The following SORCS1 variants were observed in gnomAD, a reference collection of about 807,000 sequenced individuals.
SORCS1 encodes VPS10 domain-containing receptor SorCS1.
SORCS1 carries 60 observed loss-of-function variants against 146.1 expected under a neutral mutation model. The ratio of observed to expected loss-of-function variants is 0.41; its 90% CI spans 0.33 to 0.51. The LOEUF (loss-of-function observed/expected upper bound fraction) is 0.51, where lower values mean the gene tolerates loss of function less well. SORCS1 is among the 20% of genes least tolerant of loss of function. SORCS1 has a pLI of 0.21. For synonymous variants in SORCS1, 637 were observed against 584.0 expected (o/e 1.09, Z -1.31); for missense variants, 1,352 against 1,487.6 (o/e 0.91, Z 1.50).
Position 107,037,274 on chromosome 10 carries a change from T to C in SORCS1, c.559-80694A>G, listed in dbSNP as rs531985502. Among the ~76,000 whole-genome samples the C allele has an allele frequency of 2.6e-5, 4 of 152,110 alleles. No individual in the cohort carries two copies. In the South Asian group the frequency reaches 8.3e-4, roughly 32 times the overall value. ...ACAAAACAAAAAATTAGGAACCAAA[T>C]ATATGAAGTCAGTCTACCAAAAAGC... is the stretch of plus-strand genomic sequence containing the variant. On this transcript the variant is annotated intron_variant, in intron 1 of 25. Transcript: ENST00000263054.
At chr10:107,033,544 C>A (rs1958762110) in intron 1 of SORCS1, among the ~76,000 whole-genome samples, 1 of 152,164 alleles carries the variant, frequency 6.6e-6, no homozygotes, top group South Asian at 2.1e-4. Context: ...ATAGAGAACT[C>A]AAACAGAAAC....
intron 7 of SORCS1, among the ~76,000 whole-genome samples, chr10:106,708,743 A>G (rs1854722241): frequency 6.6e-6 from 1 of 151,992 alleles, no homozygotes; most frequent in Admixed American, 6.6e-5. Flanking sequence ...TCTGCCTCCC[A>G]CTATCTCCAG....
chr10:107,171,568 G>C, the SORCS1 span, among the ~76,000 whole-genome samples: 1 of 144,372 alleles, frequency 6.9e-6, no homozygotes, highest in Non-Finnish European at 1.5e-5. Context: ...CCAGGCTGGA[G>C]TGCATTGGTG....
chr10:106,794,603 C>T (rs1042188894), intron 3 of SORCS1, among the ~76,000 whole-genome samples: 7 of 150,484 alleles, frequency 4.7e-5, no homozygotes, highest in Non-Finnish European at 7.4e-5. Context: ...CCCGGGTTCA[C>T]GCCATTCTCC....
intron 1 of SORCS1, among the ~76,000 whole-genome samples, chr10:107,121,830 G>A (rs1212701194): frequency 1.3e-5 from 2 of 152,154 alleles, no homozygotes; most frequent in Non-Finnish European, 2.9e-5. Context: ...TTTGACACAA[G>A]GACTGTCTGT....
intron 24 of SORCS1, among the ~76,000 whole-genome samples, chr10:106,590,749 G>T (rs550603672): frequency 6.6e-6 from 1 of 152,158 alleles, no homozygotes; most frequent in Non-Finnish European, 1.5e-5. Flanking sequence ...CTGCCTTCTG[G>T]GTTAAAGTGA....
intron 23 of SORCS1, among the ~76,000 whole-genome samples, chr10:106,602,572 C>G (rs1228615423): frequency 1.3e-5 from 2 of 150,916 alleles, no homozygotes; most frequent in African/African-American, 4.9e-5. Context: ...CAAATTTAGC[C>G]TGATTAAAGT....
At position 106,576,767 on chromosome 10, in the gene SORCS1, C is replaced by T. The variant is rs1209799217; in HGVS notation, c.*653G>A. 6.4e-6 allele frequency: 1 copy of T among 155,976 alleles called. No individual in the cohort carries two copies. The highest frequency in any genetic ancestry group is 6.4e-5 in the Admixed American group (1 of 15,618). 9.7% of individuals were successfully genotyped at this position (155,976 alleles called of 1,614,324 possible). On this transcript the variant is annotated 3_prime_UTR_variant, in exon 26 of 26. Coordinates refer to ENST00000263054, the MANE Select transcript of SORCS1 (RefSeq NM_052918.5). ...GGAAATGACAGTATGGAAAGTGGAA[C>T]AGAGAAACAGCTCAGGGTTTCAAAC...
intron 1 of SORCS1, among the ~76,000 whole-genome samples, chr10:107,129,267 C>A (rs1238469611): frequency 3.9e-5 from 6 of 152,220 alleles, no homozygotes; most frequent in African/African-American, 1.4e-4. Flanking sequence ...AAGAGAATCT[C>A]TTGGAGGCTG....
intron 1 of SORCS1, among the ~76,000 whole-genome samples, chr10:106,962,476 A>G (rs552382814): frequency 6.6e-6 from 1 of 152,142 alleles, no homozygotes; most frequent in Admixed American, 6.5e-5. Flanking sequence ...ATTAATAATA[A>G]TTTGCATTCT....
At chr10:107,081,409 T>C (rs918764557) in intron 1 of SORCS1, among the ~76,000 whole-genome samples, 4 of 152,358 alleles carry the variant, frequency 2.6e-5, no homozygotes, top group African/African-American at 9.6e-5. Context: ...TGAACATGTC[T>C]ATCACTATAC....
intron 24 of SORCS1, among the ~76,000 whole-genome samples, chr10:106,588,405 G>A (rs1312573946): frequency 1.3e-5 from 2 of 152,106 alleles, no homozygotes; most frequent in Non-Finnish European, 2.9e-5. Flanking sequence ...CTGTTTTAGT[G>A]GATGGCTTGA....
chr10:106,812,852 T>A (rs2136811957), intron 3 of SORCS1, among the ~76,000 whole-genome samples: 2 of 152,228 alleles, frequency 1.3e-5, no homozygotes, highest in Middle Eastern at 6.8e-3. Context: ...TGGTAGTATA[T>A]CTCAAAGGTT....
intron 2 of SORCS1, among the ~76,000 whole-genome samples, chr10:106,835,959 C>A (rs1261116384): frequency 1.3e-5 from 2 of 150,704 alleles, no homozygotes; most frequent in African/African-American, 2.4e-5. Context: ...CAGCTGAGAT[C>A]GCGCCATTGC....
intron 6 of SORCS1, among the ~76,000 whole-genome samples, chr10:106,727,650 A>G (rs1360828270): frequency 6.6e-6 from 1 of 152,024 alleles, no homozygotes; most frequent in East Asian, 1.9e-4. Context: ...GAAGAACATG[A>G]TAAAGAAAAA....
At chr10:107,069,855 A>C (rs1056525541) in intron 1 of SORCS1, among the ~76,000 whole-genome samples, 1 of 152,228 alleles carries the variant, frequency 6.6e-6, no homozygotes, top group African/African-American at 2.4e-5. Flanking sequence ...AAATGTTACT[A>C]TGTAAAAGCA....
At chr10:106,754,446 AT>A (rs946970349) in intron 5 of SORCS1, among the ~76,000 whole-genome samples, 9 of 152,250 alleles carry the variant, frequency 5.9e-5, no homozygotes, top group Admixed American at 2.0e-4. Context: ...TCTCTTTAAA[AT>A]TTTTTTCTTC....
chr10:106,723,066 T>C (rs538235431), intron 6 of SORCS1, among the ~76,000 whole-genome samples: 1 of 152,264 alleles, frequency 6.6e-6, no homozygotes, highest in Non-Finnish European at 1.5e-5. Flanking sequence ...TGGTGGCTCA[T>C]GCCTATCCCA....
At chr10:106,910,708 AC>A (rs1235477453) in intron 2 of SORCS1, among the ~76,000 whole-genome samples, 1 of 152,194 alleles carries the variant, frequency 6.6e-6, no homozygotes, top group East Asian at 1.9e-4. Flanking sequence ...TAATAATGTG[AC>A]CAGAGCAGTA....
Sources: allele counts gnomAD v4.1 joint callset (sites outside exome capture counted in the v4.1 genomes callset), GRCh38; gene constraint gnomAD v4.1.1; transcripts MANE v1.5; gene names NCBI Gene and HGNC (gene_info 2026-07-23, HGNC 2026-07-21).